The following CROCC variants were observed in gnomAD, a reference collection of about 807,000 sequenced individuals.
CROCC encodes rootletin.
Under a neutral mutation model 245.2 loss-of-function variants are expected in CROCC, and 180 were observed. The observed-to-expected ratio is 0.73, with a 90% CI of 0.65 to 0.83. The LOEUF is 0.83. Among genes scored for constraint, CROCC ranks in the 40% least tolerant of loss-of-function variants. The pLI is 0.00. For missense variants in CROCC, 2,688 were observed against 2,779.4 expected, an observed-to-expected ratio of 0.97 and a Z score of 0.74; for synonymous variants, 1,205 against 1,241.6, an observed-to-expected ratio of 0.97 and a Z score of 0.62.
intron 13 of CROCC, among the ~76,000 whole-genome samples, chr1:16,941,798 ACCATACATGGC>A: frequency 6.6e-6 from 1 of 152,208 alleles, no homozygotes; most frequent in African/African-American, 2.4e-5. Flanking sequence ...GCACTCATCA[ACCATACATGGC>A]CATAGAACAT....
chr1:16,914,228 C>A (rs1194199758), intron 1 of CROCC, among the ~76,000 whole-genome samples: 28 of 152,152 alleles, frequency 1.8e-4, no homozygotes, highest in African/African-American at 6.7e-4. Flanking sequence ...GCTGGAGCCA[C>A]GTACCGGGGC....
chr1:16,924,738 G>C (rs1465163276), intron 3 of CROCC, among the ~76,000 whole-genome samples: 1 of 145,060 alleles, frequency 6.9e-6, no homozygotes, highest in Non-Finnish European at 1.5e-5. Context: ...CCTGGCACCA[G>C]GGGTATTTTG....
At chr1:16,925,283 T>G (rs1185082949) in intron 3 of CROCC, among the ~76,000 whole-genome samples, 1 of 152,268 alleles carries the variant, frequency 6.6e-6, no homozygotes, top group Non-Finnish European at 1.5e-5. Context: ...GAGTGCCTAC[T>G]ATGTGCCAGG....
chr1:16,929,898 G>T lies in CROCC; in HGVS notation c.404G>T (p.Arg135Met). 3.1e-6 allele frequency: 5 copies of T among 1,587,926 alleles called. No individual in the cohort carries two copies. Among genetic ancestry groups the T allele is most frequent in the Non-Finnish European group, 4.3e-6 (5 of 1,170,704 alleles). ...EPGELETQEPRGLVRQSVELR... is the reference protein window; with the variant it reads ...EPGELETQEPMGLVRQSVELR... ...GGGGAGCTGGAGACGCAGGAGCCCA[G>T]GGGGCTGGTACGGCAGAGCGTGGAG... Residue 135 changes from arginine to methionine, a missense_variant, in exon 4 of 37, where the codon AGG becomes ATG. By Grantham distance (91) the Arg-to-Met change is moderately conservative (BLOSUM62 -1). Around this residue, in one of 9 missense-constraint regions of CROCC, gnomAD observed 972 missense variants for 895.3 expected, o/e 1.09. Coordinates refer to ENST00000375541, the MANE Select transcript of CROCC (RefSeq NM_014675.5).
rs2076215002 is a variant in CROCC, at chr1:16,954,414, A to C, written c.3321+57A>C. 2 of 1,568,408 alleles carry C rather than the reference A, an allele frequency of 1.3e-6. No homozygotes were observed. ...TCATAGAGAGGCACATCCCTGGCTGAGGAGCCCCCACCACGGGGCGGCATG... is the reference window on the plus strand; with the variant it reads ...TCATAGAGAGGCACATCCCTGGCTGCGGAGCCCCCACCACGGGGCGGCATG... On this transcript the variant is annotated intron_variant, in intron 22 of 36. Coordinates refer to ENST00000375541, the MANE Select transcript of CROCC (RefSeq NM_014675.5). This position sits in a 1 kb window ranked among gnomAD's most constrained non-coding sequence, Gnocchi z 4.4.
In CROCC at chr1:16,931,309, A is replaced by G. The variant is rs771379966; in HGVS notation, c.868A>G (p.Ser290Gly). 1.2e-6 allele frequency: 2 copies of G among 1,611,860 alleles called. No individual in the cohort carries two copies. Among genetic ancestry groups the G allele is most frequent in the African/African-American group, 1.3e-5 (1 of 75,054 alleles). The change falls in exon 8 of 37, where the codon AGC becomes GGC. Residue 290 changes from serine (S) to glycine (G), a missense_variant. By Grantham distance (56) the Ser-to-Gly change is moderately conservative. This residue lies in a region of CROCC where 972 missense variants were observed against 895.3 expected (regional missense o/e 1.09). Coordinates refer to ENST00000375541, the MANE Select transcript of CROCC (RefSeq NM_014675.5). ...CCTCCAGTCCTTCAACGCCTACTTCAGCAACGAGCACAGTCGCCTGCTCCT... is the reference window on the plus strand; with the variant it reads ...CCTCCAGTCCTTCAACGCCTACTTCGGCAACGAGCACAGTCGCCTGCTCCT... Reference protein sequence around the residue: ...REEESFNAYFSNEHSRLLLLW... With the variant: ...REEESFNAYFGNEHSRLLLLW...
Position 16,948,501 on chromosome 1 carries a change from G to A in CROCC, c.2685G>A (p.Leu895=), listed in dbSNP as rs1484947267. The A allele has an allele frequency of 2.6e-6, 4 of 1,548,014 alleles. No homozygotes were observed. Among genetic ancestry groups the A allele is most frequent in the East Asian group, 4.8e-5 (2 of 41,506 alleles). Residue 895 remains leucine, a synonymous_variant, in exon 18 of 37, where the codon CTG becomes CTA. Coordinates refer to ENST00000375541, the MANE Select transcript of CROCC (RefSeq NM_014675.5). The part of the protein sequence containing the change: ...LVAAEREGRT[L]SEEATRLRLE... The stretch of plus-strand genomic sequence containing the variant: ...CTGCGGAGCGTGAAGGCAGGACCCT[G>A]TCAGAGGAGGCCACACGCCTGCGGT...
rs145314784 is a variant in CROCC at position 16,971,581 on chromosome 1, G to A, written c.5901G>A (p.Gln1967=). The part of the protein sequence containing the change: ...EVERLRSAQA[Q]TERTLEARER... ...AGCGGCTGCGCAGCGCCCAGGCGCA[G>A]ACTGAGCGCACCCTGGAGGCTCGGG... Residue 1967 remains glutamine, a synonymous_variant, in exon 36 of 37, where the codon CAG becomes CAA. Coordinates refer to ENST00000375541, the MANE Select transcript of CROCC (RefSeq NM_014675.5). 7.8e-3 allele frequency: 11,916 copies of A among 1,533,908 alleles called. 81 individuals are homozygous for A. The highest frequency in any genetic ancestry group is 0.014 in the Middle Eastern group (67 of 4,794).
chr1:16,964,037 A>T (rs1246184120), intron 27 of CROCC, among the ~76,000 whole-genome samples: 1 of 151,842 alleles, frequency 6.6e-6, no homozygotes, highest in African/African-American at 2.4e-5. Flanking sequence ...ACCTCAGGTG[A>T]TCTGCCCGCC....
At chr1:16,939,458 T>A (rs1385193642) in intron 12 of CROCC, among the ~76,000 whole-genome samples, 1 of 152,096 alleles carries the variant, frequency 6.6e-6, no homozygotes, top group African/African-American at 2.4e-5. Context: ...GGGAGACAGG[T>A]CCCTGGTCAT....
chr1:16,927,572 G>C (rs12144271), intron 3 of CROCC, among the ~76,000 whole-genome samples: 6 of 152,266 alleles, frequency 3.9e-5, no homozygotes, highest in Non-Finnish European at 8.8e-5. Context: ...AGCCGTTCAC[G>C]GGAAGGCTCA....
Position 16,930,136 on chromosome 1 carries a change from A to G in CROCC, c.550A>G (p.Lys184Glu). The G allele has an allele frequency of 6.3e-7, 1 of 1,594,324 alleles. No homozygotes were observed. Among genetic ancestry groups the G allele is most frequent in the Non-Finnish European group, 8.5e-7 (1 of 1,171,016 alleles). The change falls in exon 5 of 37, where the codon AAG becomes GAG. Residue 184 changes from lysine to glutamate, a missense_variant. Coordinates refer to ENST00000375541, the MANE Select transcript of CROCC (RefSeq NM_014675.5). ...QRLQGKILQY[K>E]KRCSELEQQL... Reference sequence around the variant, plus strand: ...TCCCCATCCCCAGATTCTCCAGTACAAGAAGAGGTGCTCGGAGCTGGAGCA... The same window carrying G: ...TCCCCATCCCCAGATTCTCCAGTACGAGAAGAGGTGCTCGGAGCTGGAGCA...
chr1:16,914,099 C>A (rs141302596), intron 1 of CROCC, among the ~76,000 whole-genome samples: 3 of 151,556 alleles, frequency 2.0e-5, no homozygotes, highest in African/African-American at 4.8e-5. Context: ...CCGGCCCGCT[C>A]GGCCTCGGCA....
chr1:16,936,044 T>C (rs1400856526), intron 8 of CROCC, among the ~76,000 whole-genome samples: 2 of 152,248 alleles, frequency 1.3e-5, no homozygotes, highest in African/African-American at 2.4e-5. Context: ...GAGCCCCTCC[T>C]TGTGTATTAT....
Position 16,936,737 on chromosome 1 carries a change from G to A in CROCC, c.1057G>A (p.Ala353Thr), listed in dbSNP as rs759919596. The change falls in exon 9 of 37, where the codon GCC becomes ACC. Residue 353 changes from alanine to threonine, a missense_variant. By Grantham distance (58) the Ala-to-Thr change is moderately conservative (BLOSUM62 0). Coordinates refer to ENST00000375541, the MANE Select transcript of CROCC (RefSeq NM_014675.5). ...GGGCCTACGGCTGGCAGAGAGCCGG[G>A]CCGAGGCAGCCCTGGAGAAACAGGC... ...STGLRLAESR[A>T]EAALEKQALL... The A allele has an allele frequency of 6.2e-6, 10 of 1,609,338 alleles. No individual in the cohort carries two copies. The highest frequency in any genetic ancestry group is 8.5e-6 in the Non-Finnish European group (10 of 1,178,874).
Position 16,930,107 on chromosome 1 carries a change from C to T in CROCC, c.538-17C>T, listed in dbSNP as rs1299200647. 6.3e-7 allele frequency: 1 copy of T among 1,583,804 alleles called. No homozygotes were observed. Among genetic ancestry groups the T allele is most frequent in the Non-Finnish European group, 8.6e-7 (1 of 1,166,224 alleles). ...CGCCCCAACCCCTGGGGCTCACCAT[C>T]AGCTCCCCATCCCCAGATTCTCCAG... On this transcript the variant is annotated splice_polypyrimidine_tract_variant and intron_variant, in intron 4 of 36. Coordinates refer to ENST00000375541, the MANE Select transcript of CROCC (RefSeq NM_014675.5).
intron 8 of CROCC, among the ~76,000 whole-genome samples, chr1:16,935,224 A>G (rs1472011334): frequency 1.3e-5 from 2 of 152,182 alleles, no homozygotes; most frequent in Non-Finnish European, 2.9e-5. Context: ...GTGACCTTCC[A>G]GGGTTATCTT....
At chr1:16,965,939 G>C (rs769664429) in intron 28 of CROCC, 47 bp downstream of exon 28, 3 of 1,603,998 alleles carry the variant, frequency 1.9e-6, no homozygotes, top group Admixed American at 1.7e-5. Flanking sequence ...GAGGGCCCTG[G>C]GGAGGTTGCA....
At chr1:16,933,076 G>A (rs1253234649) in intron 8 of CROCC, among the ~76,000 whole-genome samples, 2 of 152,026 alleles carry the variant, frequency 1.3e-5, no homozygotes, top group East Asian at 3.9e-4. Context: ...CTCCCAAAAT[G>A]CTGGGATTAC....
Sources: allele counts gnomAD v4.1 joint callset (sites outside exome capture counted in the v4.1 genomes callset), GRCh38; gene constraint gnomAD v4.1.1; regional missense constraint gnomAD v4.1.1; non-coding constraint Gnocchi (gnomAD v3.1); transcripts MANE v1.5; gene names NCBI Gene and HGNC (gene_info 2026-07-23, HGNC 2026-07-21).